Variants in ROBO1 observed in about 807,000 individuals in gnomAD.
ROBO1 encodes roundabout guidance receptor 1, also known as roundabout homolog 1.
Under a neutral mutation model 195.9 loss-of-function variants are expected in ROBO1, and 149 were observed. The observed-to-expected ratio is 0.76, with a 90% confidence interval of 0.67 to 0.87. ROBO1 has a LOEUF of 0.87. ROBO1 is among the 40% of genes least tolerant of loss of function. The pLI, the probability that ROBO1 is intolerant of heterozygous loss-of-function variation, is 0.00. For synonymous variants in ROBO1, 816 were observed against 733.2 expected, an observed-to-expected ratio of 1.11 and a Z score of -1.82; for missense variants, 1,933 against 2,068.3, an observed-to-expected ratio of 0.93 and a Z score of 1.27.
chr3:79,489,783 C>G (rs573917191), intron 2 of ROBO1, among the ~76,000 whole-genome samples: 19 of 152,170 alleles, frequency 1.2e-4, no homozygotes, highest in Admixed American at 4.6e-4. Flanking sequence ...TGTAGGCTGT[C>G]TTTTTTTCCC....
chr3:79,515,504 G>A (rs1237174390), intron 2 of ROBO1, among the ~76,000 whole-genome samples: 1 of 152,062 alleles, frequency 6.6e-6, no homozygotes, highest in Admixed American at 6.6e-5. Flanking sequence ...CTGAGCAGAC[G>A]TTCCTTTAAC....
intron 4 of ROBO1, among the ~76,000 whole-genome samples, chr3:78,904,614 C>CA (rs2037779888): frequency 6.7e-6 from 1 of 150,262 alleles, no homozygotes; most frequent in Admixed American, 6.6e-5. Flanking sequence ...TTGGAGTGAA[C>CA]GAAAAAATGG....
At chr3:79,575,123 AT>A (rs1943410199) in intron 2 of ROBO1, among the ~76,000 whole-genome samples, 1 of 105,120 alleles carries the variant, frequency 9.5e-6, no homozygotes, top group Non-Finnish European at 1.8e-5. Context: ...ACAAATATAT[AT>A]ATAAATATAT....
At chr3:79,219,597 T>G (rs1352471933) in intron 2 of ROBO1, among the ~76,000 whole-genome samples, 1 of 152,020 alleles carries the variant, frequency 6.6e-6, no homozygotes, top group Non-Finnish European at 1.5e-5. Context: ...ATTATCTGCT[T>G]GACCTGCAAG....
At chr3:79,116,511 C>A (rs2080004048) in intron 3 of ROBO1, among the ~76,000 whole-genome samples, 1 of 132,088 alleles carries the variant, frequency 7.6e-6, no homozygotes, top group Non-Finnish European at 1.6e-5. Flanking sequence ...TCTTTCTTTT[C>A]TTTCTCTCTT....
chr3:79,385,719 A>T (rs2036718261), intron 2 of ROBO1, among the ~76,000 whole-genome samples: 1 of 152,188 alleles, frequency 6.6e-6, no homozygotes, highest in Non-Finnish European at 1.5e-5. Context: ...TGGAATAAAC[A>T]AAAATGACTT....
intron 2 of ROBO1, among the ~76,000 whole-genome samples, chr3:79,140,027 T>C (rs183050128): frequency 2.0e-5 from 3 of 152,242 alleles, no homozygotes; most frequent in Admixed American, 2.0e-4. Flanking sequence ...ATTTAAATGA[T>C]GGATGGGGAA....
At chr3:79,620,333 G>A (rs1274132969) in intron 1 of ROBO1, among the ~76,000 whole-genome samples, 5 of 152,144 alleles carry the variant, frequency 3.3e-5, no homozygotes. Flanking sequence ...GACCATCACA[G>A]ACACTTTGGG....
At chr3:78,705,563 T>C (rs1223345919) in intron 8 of ROBO1, among the ~76,000 whole-genome samples, 1 of 152,202 alleles carries the variant, frequency 6.6e-6, no homozygotes, top group Non-Finnish European at 1.5e-5. Context: ...TCAAGGTTTC[T>C]GTGATGGTGA....
chr3:79,494,498 G>C (rs971958298), intron 2 of ROBO1, among the ~76,000 whole-genome samples: 1 of 152,026 alleles, frequency 6.6e-6, no homozygotes, highest in Non-Finnish European at 1.5e-5. Context: ...GAACAGACTT[G>C]GAAGACAAAG....
intron 8 of ROBO1, among the ~76,000 whole-genome samples, chr3:78,700,094 T>C (rs1262035503): frequency 6.6e-6 from 1 of 152,212 alleles, no homozygotes; most frequent in East Asian, 1.9e-4. Flanking sequence ...CCATTATTTC[T>C]CTAGAACTTC....
At chr3:78,824,925 C>T (rs912569046) in intron 4 of ROBO1, among the ~76,000 whole-genome samples, 22 of 152,116 alleles carry the variant, frequency 1.4e-4, no homozygotes, top group Non-Finnish European at 1.6e-4. Flanking sequence ...TACTTTCTTT[C>T]CATCTTGAAA....
In ROBO1 at chr3:78,868,288, A is replaced by G. The variant is rs866777774; in HGVS notation, c.499+70313T>C. On this transcript the variant is annotated intron_variant, in intron 4 of 30. Coordinates refer to ENST00000464233, the MANE Select transcript of ROBO1 (RefSeq NM_002941.4). ...TAAACATTGCAACATACTCAGTAAC[A>G]AGATTACTTTAAATACTATGAATGA... 1.2e-4 allele frequency among the ~76,000 whole-genome samples: 18 copies of G among 152,238 alleles called. No individual in the cohort carries two copies. The South Asian group carries it at 1.9e-3, about 16-fold the overall frequency.
chr3:79,717,383 G>A (rs1405499685), intron 1 of ROBO1, among the ~76,000 whole-genome samples: 1 of 151,866 alleles, frequency 6.6e-6, no homozygotes, highest in African/African-American at 2.4e-5. Context: ...ATGATAAAAT[G>A]CCAGACAATT....
rs192016098 is a variant in ROBO1, at chr3:79,458,956, A to G, written c.88+130868T>C. Among the ~76,000 whole-genome samples the G allele has an allele frequency of 1.2e-4, 18 of 152,306 alleles. 1 individual carries two copies. In the East Asian group the frequency reaches 3.1e-3, roughly 26 times the overall value. On this transcript the variant is annotated intron_variant, in intron 2 of 30. Coordinates refer to ENST00000464233, the MANE Select transcript of ROBO1 (RefSeq NM_002941.4). ...CTATTACTAGGAAAGCAATAAATTT[A>G]AACTAAAAAATATTTAAAAACTGAA...
chr3:78,944,877 G>C (rs776678667), intron 3 of ROBO1, among the ~76,000 whole-genome samples: 1 of 152,192 alleles, frequency 6.6e-6, no homozygotes, highest in Non-Finnish European at 1.5e-5. Context: ...CCCGCACGTG[G>C]CTCACAGGGT....
At chr3:79,557,841 G>T (rs1942768758) in intron 2 of ROBO1, among the ~76,000 whole-genome samples, 1 of 150,576 alleles carries the variant, frequency 6.6e-6, no homozygotes, top group Admixed American at 6.6e-5. Context: ...TGCTACGAAA[G>T]ATTGCTTTCC....
intron 2 of ROBO1, among the ~76,000 whole-genome samples, chr3:79,129,193 C>G (rs1409394941): frequency 1.3e-5 from 2 of 152,062 alleles, no homozygotes; most frequent in Non-Finnish European, 2.9e-5. Flanking sequence ...ATAGTCCCTA[C>G]CTATGTTACA....
At chr3:79,555,285 C>T (rs1449136436) in intron 2 of ROBO1, among the ~76,000 whole-genome samples, 2 of 152,092 alleles carry the variant, frequency 1.3e-5, no homozygotes, top group Non-Finnish European at 2.9e-5. Context: ...GAGTGAAATG[C>T]TAAGGTTGGC....
Sources: gnomAD v4.1 joint callset for allele counts (sites outside exome capture counted in the v4.1 genomes callset) on GRCh38, gnomAD v4.1.1 for gene constraint, MANE v1.5 for transcripts, NCBI Gene and HGNC (gene_info 2026-07-23, HGNC 2026-07-21) for gene names.